DPH6: variants seen among roughly 807,000 people sequenced by gnomAD.
The protein encoded by DPH6 is diphthine--ammonia ligase.
A neutral mutation model predicts 38.2 loss-of-function variants in DPH6; 33 were observed. That is an observed-to-expected ratio of 0.86 (90% CI 0.65 to 1.15). The LOEUF (loss-of-function observed/expected upper bound fraction) is 1.15, where lower values mean the gene tolerates loss of function less well. Ranked by LOEUF, DPH6 falls within the 50% of genes most tolerant of loss-of-function variation. DPH6 has a pLI of 0.00. For synonymous variants in DPH6, 108 were observed against 103.0 expected (o/e 1.05, Z -0.30); for missense variants, 325 against 320.0 (o/e 1.02, Z -0.12).
intron 6 of DPH6, chr15:35,401,756 CAGA>C: frequency 1.5e-6 from 1 of 685,754 alleles, no homozygotes; most frequent in Non-Finnish European, 2.7e-6. Flanking sequence ...ACGACAGTGG[CAGA>C]AGATTTTAAT....
intron 3 of DPH6, among the ~76,000 whole-genome samples, chr15:35,472,336 A>G (rs60521286): frequency 0.11 from 16,434 of 152,190 alleles, 1,332 homozygotes; most frequent in African/African-American, 0.24. Context: ...ACTGGAACCC[A>G]GGAACCAGGT....
At chr15:35,448,984 A>ATTTTTTT (rs372406775) in intron 5 of DPH6, among the ~76,000 whole-genome samples, 1 of 136,580 alleles carries the variant, frequency 7.3e-6, no homozygotes, top group African/African-American at 2.7e-5. Context: ...TTATTGTCTC[A>ATTTTTTT]TTTTTTTTTT....
rs1342354243 is a variant in DPH6 at position 35,265,256 on chromosome 15, ATAAGTG to A, written n.201-44680_201-44675del. 2.0e-5 allele frequency among the ~76,000 whole-genome samples: 3 copies of A among 152,342 alleles called. No homozygotes were observed. The East Asian group carries it at 5.8e-4, about 29-fold the overall frequency. On this transcript the variant is annotated intron_variant and non_coding_transcript_variant, in intron 3 of 3. Transcript: ENST00000560386. ...CTTTGAAAGGAAAAAAAAGGACAGT[ATAAGTG>A]TAAGAAACCATTATTATGAAAAAGA...
At chr15:35,496,479 C>T (rs1230375543) in intron 3 of DPH6, among the ~76,000 whole-genome samples, 3 of 146,432 alleles carry the variant, frequency 2.0e-5, no homozygotes, top group East Asian at 2.0e-4. Flanking sequence ...CGCTAGAACC[C>T]GGGAGGCGGA....
chr15:35,366,233 T>C (rs1475211747), downstream of DPH6, among the ~76,000 whole-genome samples: 1 of 147,318 alleles, frequency 6.8e-6, no homozygotes, highest in African/African-American at 2.5e-5. Flanking sequence ...TCATCTTGTG[T>C]GTGTGTGTGT....
intron 3 of DPH6, among the ~76,000 whole-genome samples, chr15:35,228,335 T>C (rs965561460): frequency 2.6e-5 from 4 of 152,268 alleles, no homozygotes; most frequent in Non-Finnish European, 5.9e-5. Flanking sequence ...TTGTTTAGTC[T>C]TTCTACGTAG....
chr15:35,196,130 T>C, the DPH6 span, among the ~76,000 whole-genome samples: 2 of 152,168 alleles, frequency 1.3e-5, no homozygotes, highest in Non-Finnish European at 2.9e-5. Flanking sequence ...AAAGGCAAAC[T>C]GCTCTCCAAA....
the DPH6 span, among the ~76,000 whole-genome samples, chr15:35,189,667 C>T: frequency 2.0e-4 from 31 of 152,208 alleles, no homozygotes; most frequent in African/African-American, 6.3e-4. Context: ...CAAACTTTCC[C>T]TCTGAATGTT....
chr15:35,423,968 C>G (rs549819952), intron 5 of DPH6, among the ~76,000 whole-genome samples: 1 of 151,750 alleles, frequency 6.6e-6, no homozygotes, highest in East Asian at 1.9e-4. Flanking sequence ...TTTCATTACC[C>G]TAGCTTTATA....
intron 3 of DPH6, among the ~76,000 whole-genome samples, chr15:35,514,558 A>T (rs1341415196): frequency 6.6e-6 from 1 of 152,164 alleles, no homozygotes; most frequent in Non-Finnish European, 1.5e-5. Flanking sequence ...CTCAGGATAC[A>T]TTGAATTGGA....
At chr15:35,447,435 G>A (rs914414597) in intron 5 of DPH6, among the ~76,000 whole-genome samples, 18 of 150,348 alleles carry the variant, frequency 1.2e-4, no homozygotes, top group African/African-American at 4.1e-4. Flanking sequence ...TCTCTTATAC[G>A]TCCCCCCCCG....
chr15:35,264,183 G>A (rs1566854249), intron 3 of DPH6, among the ~76,000 whole-genome samples: 1 of 151,726 alleles, frequency 6.6e-6, no homozygotes, highest in Non-Finnish European at 1.5e-5. Flanking sequence ...AGAGCAAGGA[G>A]GAAGGAGCAC....
chr15:35,359,811 T>C (rs2052598506), intron 3 of DPH6, among the ~76,000 whole-genome samples: 2 of 152,178 alleles, frequency 1.3e-5, no homozygotes, highest in Admixed American at 1.3e-4. Context: ...AGTTTTTCAG[T>C]TCAGTCATTG....
intron 3 of DPH6, among the ~76,000 whole-genome samples, chr15:35,492,778 T>C (rs1333771626): frequency 6.6e-6 from 1 of 152,164 alleles, no homozygotes; most frequent in Non-Finnish European, 1.5e-5. Flanking sequence ...AGAGATTAAA[T>C]AACTTGTTCA....
At chr15:35,149,364 A>T in the DPH6 span, among the ~76,000 whole-genome samples, 32 of 152,158 alleles carry the variant, frequency 2.1e-4, 3 homozygotes, top group Admixed American at 8.5e-4. Flanking sequence ...CAGCCTCCCG[A>T]GTAGCTGGGA....
At chr15:35,201,699 T>A in the DPH6 span, among the ~76,000 whole-genome samples, 2 of 151,872 alleles carry the variant, frequency 1.3e-5, no homozygotes, top group Non-Finnish European at 3.0e-5. Flanking sequence ...GGATATTTTA[T>A]AATTGAGATT....
chr15:35,464,463 T>A (rs1350891859), intron 3 of DPH6, among the ~76,000 whole-genome samples: 1 of 152,172 alleles, frequency 6.6e-6, no homozygotes, highest in Non-Finnish European at 1.5e-5. Flanking sequence ...TTCTAGATGA[T>A]AAGAAAATAG....
intron 3 of DPH6, among the ~76,000 whole-genome samples, chr15:35,229,780 T>C (rs1222406879): frequency 6.6e-6 from 1 of 152,234 alleles, no homozygotes; most frequent in Non-Finnish European, 1.5e-5. Context: ...ACTGTGGTTC[T>C]TGCAGACTTG....
intron 5 of DPH6, among the ~76,000 whole-genome samples, chr15:35,421,260 A>T (rs1255326641): frequency 2.0e-5 from 3 of 152,200 alleles, no homozygotes; most frequent in Non-Finnish European, 4.4e-5. Flanking sequence ...GAAAACTAAC[A>T]TTGAAGAAGA....
Sources: allele counts gnomAD v4.1 joint callset (sites outside exome capture counted in the v4.1 genomes callset), GRCh38; gene constraint gnomAD v4.1.1; transcripts MANE v1.5; gene names NCBI Gene and HGNC (gene_info 2026-07-23, HGNC 2026-07-21).